Variants in DLC1 observed in about 807,000 individuals in gnomAD.
DLC1 encodes DLC1 Rho GTPase activating protein.
DLC1 carries 54 observed loss-of-function variants against 140.3 expected under a neutral mutation model. The observed-to-expected ratio is 0.38, with a 90% confidence interval of 0.31 to 0.48. The LOEUF (loss-of-function observed/expected upper bound fraction) is 0.48. Among genes scored for constraint, DLC1 ranks in the 20% least tolerant of loss-of-function variants. The pLI is 0.96. For missense variants in DLC1, 2,536 were observed against 1,907.0 expected, an observed-to-expected ratio of 1.33 and a Z score of -6.14; for synonymous variants, 986 against 728.1, an observed-to-expected ratio of 1.35 and a Z score of -5.70.
At chr8:13,423,029 GT>G (rs928966728) in intron 2 of DLC1, among the ~76,000 whole-genome samples, 8 of 152,166 alleles carry the variant, frequency 5.3e-5, no homozygotes, top group African/African-American at 1.2e-4. Context: ...TTCTGAAGGA[GT>G]TGGGGGGTGA....
chr8:13,178,397 CT>C (rs1266051544), intron 5 of DLC1, among the ~76,000 whole-genome samples: 4 of 151,960 alleles, frequency 2.6e-5, no homozygotes, highest in African/African-American at 9.7e-5. Context: ...TCCGTCTCTA[CT>C]AAAAATACAA....
chr8:13,176,032 A>G (rs528690827), intron 5 of DLC1, among the ~76,000 whole-genome samples: 1 of 152,234 alleles, frequency 6.6e-6, no homozygotes, highest in South Asian at 2.1e-4. Flanking sequence ...ACAAATTTCA[A>G]CAAATTTCAC....
At chr8:13,290,395 G>C (rs1373811830) in intron 5 of DLC1, among the ~76,000 whole-genome samples, 1 of 152,112 alleles carries the variant, frequency 6.6e-6, no homozygotes, top group Non-Finnish European at 1.5e-5. Flanking sequence ...CTGAATTTTT[G>C]AACAAGTATT....
chr8:13,204,527 C>G (rs1827560228), intron 5 of DLC1, among the ~76,000 whole-genome samples: 1 of 152,092 alleles, frequency 6.6e-6, no homozygotes, highest in African/African-American at 2.4e-5. Context: ...CAGATGGAGA[C>G]AGTTTCAGGG....
intron 5 of DLC1, among the ~76,000 whole-genome samples, chr8:13,173,411 C>G (rs542022581): frequency 3.9e-4 from 44 of 112,972 alleles, no homozygotes; most frequent in Non-Finnish European, 6.8e-4. Context: ...CTTGCTCTAT[C>G]TCCAGGCTGG....
chr8:13,090,475 G>C lies in DLC1; in HGVS notation c.3856-5C>G. 2 of 1,613,570 alleles carry C rather than the reference G, an allele frequency of 1.2e-6. No individual in the cohort carries two copies. Among genetic ancestry groups the C allele is most frequent in the Non-Finnish European group, 1.7e-6 (2 of 1,180,012 alleles). ...TCGGCTCATTTCCTCGGGAACCTGTGCGGAACATGACAGACAGAAAGGAGG... is the reference window on the plus strand; with the variant it reads ...TCGGCTCATTTCCTCGGGAACCTGTCCGGAACATGACAGACAGAAAGGAGG... On this transcript the variant is annotated splice_region_variant and splice_polypyrimidine_tract_variant and intron_variant, in intron 14 of 17. Coordinates refer to ENST00000276297, the MANE Select transcript of DLC1 (RefSeq NM_182643.3).
At chr8:13,384,904 T>A (rs289527) in intron 4 of DLC1, among the ~76,000 whole-genome samples, 1 of 151,930 alleles carries the variant, frequency 6.6e-6, no homozygotes, top group African/African-American at 2.4e-5. Flanking sequence ...AACAGGCTTA[T>A]CCTAGAGGCT....
intron 5 of DLC1, among the ~76,000 whole-genome samples, chr8:13,195,582 C>T (rs1826999231): frequency 6.6e-6 from 1 of 152,178 alleles, no homozygotes; most frequent in Admixed American, 6.5e-5. Flanking sequence ...GATTGAAGTA[C>T]TTCTGTGAAG....
intron 2 of DLC1, among the ~76,000 whole-genome samples, chr8:13,406,551 A>G (rs1407922655): frequency 6.6e-6 from 1 of 152,230 alleles, no homozygotes; most frequent in Non-Finnish European, 1.5e-5. Flanking sequence ...AAATATTTCA[A>G]GAATGATGTG....
At chr8:13,177,419 A>G (rs777474098) in intron 5 of DLC1, among the ~76,000 whole-genome samples, 1 of 152,242 alleles carries the variant, frequency 6.6e-6, no homozygotes, top group Non-Finnish European at 1.5e-5. Context: ...ATAGAGAACT[A>G]AAAGAACCCT....
chr8:13,426,695 C>G (rs867043376), intron 2 of DLC1, among the ~76,000 whole-genome samples: 1 of 152,126 alleles, frequency 6.6e-6, no homozygotes, highest in East Asian at 1.9e-4. Context: ...CCTTCTTCCT[C>G]GCAGATCTGT....
Position 13,499,523 on chromosome 8 carries a change from A to G in DLC1, c.549T>C (p.Val183=). The part of the protein sequence containing the change: ...ALVKESGERK[V]TDSISKSLEL... ...CCAGGCTTTTACTTATAGAGTCAGT[A>G]ACTTTTCTCTCCCCACTTTCTTTTA... The change falls in exon 2 of 18, where the codon GTT becomes GTC. Residue 183 remains valine, a synonymous_variant. Transcript: ENST00000276297. The G allele has an allele frequency of 1.2e-6, 2 of 1,614,134 alleles. No homozygotes were observed. Among genetic ancestry groups the G allele is most frequent in the Non-Finnish European group, 1.7e-6 (2 of 1,180,018 alleles).
chr8:13,541,146 A>G (rs1585256098), intron 1 of DLC1, among the ~76,000 whole-genome samples: 1 of 152,170 alleles, frequency 6.6e-6, no homozygotes, highest in South Asian at 2.1e-4. Context: ...CAGACTTTTT[A>G]TTGCTGAGTA....
chr8:13,216,255 C>A (rs1339472481), intron 5 of DLC1, among the ~76,000 whole-genome samples: 2 of 152,160 alleles, frequency 1.3e-5, no homozygotes, highest in Non-Finnish European at 2.9e-5. Context: ...ATTTGATACT[C>A]AAAACTTAGA....
intron 2 of DLC1, among the ~76,000 whole-genome samples, chr8:13,448,072 A>C (rs1447678532): frequency 6.6e-6 from 1 of 152,146 alleles, no homozygotes; most frequent in East Asian, 1.9e-4. Flanking sequence ...TATGCTGAAG[A>C]GTATAATTTT....
At chr8:13,099,163 T>C (rs889372360) in intron 9 of DLC1, among the ~76,000 whole-genome samples, 184 bp downstream of exon 9, 4 of 152,146 alleles carry the variant, frequency 2.6e-5, no homozygotes, top group Non-Finnish European at 4.4e-5. Flanking sequence ...CAACCGGAAC[T>C]CTATACCCAT....
At chr8:13,404,240 T>C (rs1179586925) in intron 2 of DLC1, among the ~76,000 whole-genome samples, 4 of 152,200 alleles carry the variant, frequency 2.6e-5, no homozygotes, top group Non-Finnish European at 5.9e-5. Flanking sequence ...GTTTAGCAAC[T>C]GAATCTCCAA....
chr8:13,519,937 C>A (rs576345703), intron 1 of DLC1, among the ~76,000 whole-genome samples: 1 of 152,292 alleles, frequency 6.6e-6, no homozygotes, highest in Admixed American at 6.5e-5. Flanking sequence ...CATTTCATGC[C>A]AGTTAGAATG....
intron 1 of DLC1, among the ~76,000 whole-genome samples, chr8:13,578,229 C>T (rs1804915875): frequency 6.6e-6 from 1 of 152,088 alleles, no homozygotes; most frequent in Admixed American, 6.6e-5. Context: ...TCTCCTTTCT[C>T]TAATCAAAGG....
Sources: allele counts gnomAD v4.1 joint callset (sites outside exome capture counted in the v4.1 genomes callset), GRCh38; gene constraint gnomAD v4.1.1; transcripts MANE v1.5; gene names NCBI Gene and HGNC (gene_info 2026-07-23, HGNC 2026-07-21).